RIOK1: variants seen among roughly 807,000 people sequenced by gnomAD.
The protein encoded by RIOK1 is RIO kinase 1.
In RIOK1, 66 loss-of-function variants were observed where a neutral mutation model predicts 73.5. The ratio of observed to expected loss-of-function variants is 0.90; its 90% CI spans 0.74 to 1.10. The LOEUF is 1.10. RIOK1 is among the 50% of genes least tolerant of loss of function. RIOK1 has a pLI of 0.00. For synonymous variants in RIOK1, 224 were observed against 226.8 expected, an observed-to-expected ratio of 0.99 and a Z score of 0.11; for missense variants, 658 against 699.8, an observed-to-expected ratio of 0.94 and a Z score of 0.67.
At position 7,400,533 on chromosome 6, in the gene RIOK1, G is replaced by A. The variant is rs537548292; in HGVS notation, c.481-425G>A. 9.4e-4 allele frequency among the ~76,000 whole-genome samples: 143 copies of A among 152,282 alleles called. 1 individual carries two copies. The highest frequency in any genetic ancestry group is 3.2e-3 in the African/African-American group (135 of 41,572). On this transcript the variant is annotated intron_variant, in intron 5 of 16. Transcript: ENST00000379834. ...TATCTCACTGATGACTTTTTATATTGATACAGGTTGAAATGATAGCGTTTT... is the reference window on the plus strand; with the variant it reads ...TATCTCACTGATGACTTTTTATATTAATACAGGTTGAAATGATAGCGTTTT...
At chr6:7,395,233 G>A (rs971517949) in intron 3 of RIOK1, 90 bp downstream of exon 3, 8 of 1,440,688 alleles carry the variant, frequency 5.6e-6, no homozygotes, top group Non-Finnish European at 7.6e-6. Flanking sequence ...AGAAATGAAG[G>A]CTGGCCGTGG....
chr6:7,395,871 G>A (rs541978196), intron 3 of RIOK1, among the ~76,000 whole-genome samples: 3 of 151,870 alleles, frequency 2.0e-5, no homozygotes, highest in Non-Finnish European at 2.9e-5. Context: ...CACCACACCC[G>A]GCCAATTTTT....
chr6:7,399,259 G>T (rs1315802585), intron 5 of RIOK1, among the ~76,000 whole-genome samples: 1 of 152,086 alleles, frequency 6.6e-6, no homozygotes, highest in African/African-American at 2.4e-5. Flanking sequence ...CCAGATTTTT[G>T]ATGTGAAGAA....
At chr6:7,414,148 A>G (rs1761946700) in intron 15 of RIOK1, 90 bp from the exon 16 acceptor site, 25 of 1,235,326 alleles carry the variant, frequency 2.0e-5, no homozygotes, top group Non-Finnish European at 2.6e-5. Flanking sequence ...CGAGCCTAAA[A>G]TCTGAATTCT....
At chr6:7,390,308 G>C (rs1761297370) in intron 1 of RIOK1, among the ~76,000 whole-genome samples, 1 of 152,186 alleles carries the variant, frequency 6.6e-6, no homozygotes, top group Non-Finnish European at 1.5e-5. Context: ...GTCGGTTAGC[G>C]TCACTGGGAG....
At chr6:7,405,796 T>C (rs1761730739) in intron 12 of RIOK1, among the ~76,000 whole-genome samples, 1 of 150,344 alleles carries the variant, frequency 6.7e-6, no homozygotes, top group Non-Finnish European at 1.5e-5. Flanking sequence ...TTTTCCTTTT[T>C]TTTTTTTTTT....
At chr6:7,408,811 T>C (rs1275643155) in intron 12 of RIOK1, among the ~76,000 whole-genome samples, 2 of 151,206 alleles carry the variant, frequency 1.3e-5, no homozygotes, top group African/African-American at 4.9e-5. Flanking sequence ...AACCTTTGCT[T>C]CCTGGGTTCA....
chr6:7,406,410 T>C (rs924942396), intron 12 of RIOK1, among the ~76,000 whole-genome samples: 1 of 152,234 alleles, frequency 6.6e-6, no homozygotes, highest in Admixed American at 6.5e-5. Flanking sequence ...TACATTCACA[T>C]TGTGGTACAA....
At chr6:7,407,095 A>G (rs775147097) in intron 12 of RIOK1, among the ~76,000 whole-genome samples, 4 of 152,258 alleles carry the variant, frequency 2.6e-5, no homozygotes, top group Non-Finnish European at 5.9e-5. Context: ...TGCTATGAAC[A>G]TGGATGTATA....
rs1581727039 is a variant in RIOK1, at chr6:7,417,547, C to T, written c.*106C>T. On this transcript the variant is annotated 3_prime_UTR_variant, in exon 17 of 17. Transcript: ENST00000379834. ...TTATTGGTTTTAACCAGATTGTCAT[C>T]GTGGCACTGTCTGTGAAGACGGATT... The T allele has an allele frequency of 7.8e-6, 5 of 644,594 alleles. No homozygotes were observed. In the East Asian group the frequency reaches 8.7e-5, roughly 11 times the overall value. 39.9% of individuals were successfully genotyped at this position (644,594 alleles called of 1,614,324 possible).
Position 7,400,827 on chromosome 6 carries a change from G to T in RIOK1, c.481-131G>T, listed in dbSNP as rs1049115775. The T allele has an allele frequency of 8.7e-6, 5 of 577,988 alleles. No homozygotes were observed. The African/African-American group carries it at 9.7e-5, about 11-fold the overall frequency. The allele number at this position is 577,988 out of a possible 1,614,324, so 35.8% of individuals were successfully genotyped here. A position where few individuals can be genotyped will look rare whatever the true frequency, so the allele number is the denominator to read the frequency against. On this transcript the variant is annotated intron_variant, in intron 5 of 16. Coordinates refer to ENST00000379834, the MANE Select transcript of RIOK1 (RefSeq NM_031480.3). The stretch of plus-strand genomic sequence containing the variant: ...TTAGAGTGAATAAAAGCACCAAATA[G>T]TGACTCTCATTTAGTCAACCAGGAT...
intron 1 of RIOK1, among the ~76,000 whole-genome samples, chr6:7,392,677 A>G (rs1761370152): frequency 6.6e-6 from 1 of 152,112 alleles, no homozygotes; most frequent in Admixed American, 6.6e-5. Context: ...GAACCGCTGC[A>G]CCAGCCTTTT....
At chr6:7,395,744 C>CT (rs1441565436) in intron 3 of RIOK1, among the ~76,000 whole-genome samples, 1 of 150,818 alleles carries the variant, frequency 6.6e-6, no homozygotes, top group Admixed American at 6.6e-5. Context: ...GGGTCTCACT[C>CT]TGTCACCCAG....
intron 12 of RIOK1, among the ~76,000 whole-genome samples, chr6:7,406,142 A>C (rs1761741115): frequency 6.6e-6 from 1 of 151,796 alleles, no homozygotes; most frequent in Non-Finnish European, 1.5e-5. Context: ...GACTACAGGC[A>C]CACGCCACCA....
chr6:7,406,078 A>G (rs1374546913), intron 12 of RIOK1, among the ~76,000 whole-genome samples: 1 of 151,544 alleles, frequency 6.6e-6, no homozygotes, highest in Non-Finnish European at 1.5e-5. Flanking sequence ...GTTCACTGCA[A>G]CCTCTGCCCC....
intron 12 of RIOK1, among the ~76,000 whole-genome samples, chr6:7,406,616 A>G (rs1173221501): frequency 6.6e-6 from 1 of 152,198 alleles, no homozygotes; most frequent in Admixed American, 6.5e-5. Flanking sequence ...TTCACTTAGT[A>G]TGATGTCTTC....
At chr6:7,410,852 C>T (rs1761868434) in intron 13 of RIOK1, among the ~76,000 whole-genome samples, 1 of 151,968 alleles carries the variant, frequency 6.6e-6, no homozygotes, top group African/African-American at 2.4e-5. Flanking sequence ...TGTGAAGGAG[C>T]CATAGTAGGC....
At chr6:7,410,477 CT>C in intron 13 of RIOK1, 26 bp downstream of exon 13, 1 of 1,520,062 alleles carries the variant, frequency 6.6e-7, no homozygotes, top group Non-Finnish European at 9.0e-7. Flanking sequence ...TATTCACAGC[CT>C]TTGGAAACAC....
intron 3 of RIOK1, 34 bp from the exon 4 acceptor site, chr6:7,396,669 A>C: frequency 7.4e-7 from 1 of 1,350,294 alleles, no homozygotes; most frequent in Non-Finnish European, 1.1e-6. Context: ...TTCGTCTTAC[A>C]TATTGTTTAC....
Sources: allele counts gnomAD v4.1 joint callset (sites outside exome capture counted in the v4.1 genomes callset), GRCh38; gene constraint gnomAD v4.1.1; transcripts MANE v1.5; gene names NCBI Gene and HGNC (gene_info 2026-07-23, HGNC 2026-07-21).